Variants in NUDT5 observed in about 807,000 individuals in gnomAD.
NUDT5 encodes the protein nudix hydrolase 5.
Under a neutral mutation model 34.1 loss-of-function variants are expected in NUDT5, and 21 were observed. The ratio of observed to expected loss-of-function variants is 0.62; its 90% CI spans 0.44 to 0.89. The LOEUF is 0.89. NUDT5 is among the 40% of genes least tolerant of loss of function. The pLI is 0.00. For synonymous variants in NUDT5, 85 were observed against 97.6 expected (o/e 0.87, Z 0.76); for missense variants, 249 against 274.8 (o/e 0.91, Z 0.66).
chr10:12,184,352 C>T, intron 3 of NUDT5: 1 of 645,210 alleles, frequency 1.5e-6, no homozygotes, highest in Non-Finnish European at 2.5e-6. Flanking sequence ...TGAGCCAACA[C>T]ACCTGGCCCT....
At chr10:12,184,775 ATTAT>A in intron 3 of NUDT5, 110 bp downstream of exon 3, 1 of 700,928 alleles carries the variant, frequency 1.4e-6, no homozygotes, top group Non-Finnish European at 2.4e-6. Flanking sequence ...GCTAAATCAG[ATTAT>A]TTAAAACAGA....
chr10:12,177,497 T>C (rs536344594), intron 5 of NUDT5, among the ~76,000 whole-genome samples: 14 of 152,074 alleles, frequency 9.2e-5, no homozygotes, highest in Non-Finnish European at 1.5e-4. Context: ...CCAGCCTGGG[T>C]GATAGAGCGA....
At chr10:12,185,537 C>T (rs895815315) in intron 2 of NUDT5, among the ~76,000 whole-genome samples, 2 of 152,236 alleles carry the variant, frequency 1.3e-5, no homozygotes, top group South Asian at 2.1e-4. Flanking sequence ...TGGAGACTAA[C>T]TTACCTACGG....
intron 1 of NUDT5, among the ~76,000 whole-genome samples, chr10:12,195,526 G>A (rs1835322119): frequency 6.6e-6 from 1 of 152,134 alleles, no homozygotes; most frequent in African/African-American, 2.4e-5. Flanking sequence ...TCTTTACACT[G>A]GAACTAACAC....
chr10:12,180,348 C>A (rs1307574605), intron 3 of NUDT5: 2 of 152,310 alleles, frequency 1.3e-5, no homozygotes, highest in East Asian at 1.9e-4. Context: ...AGCTGACCAA[C>A]AAGCAATGCT....
At position 12,184,481 on chromosome 10, in the gene NUDT5, G is replaced by A. The variant is rs567791245; in HGVS notation, c.131+408C>T. The A allele has an allele frequency of 2.5e-5, 39 of 1,551,346 alleles. 1 individual carries two copies. In the African/African-American group the frequency reaches 4.2e-4, roughly 17 times the overall value. On this transcript the variant is annotated intron_variant, in intron 3 of 9. Transcript: ENST00000491614. ...TTTTTCCCAATTTGCATTTCCATGA[G>A]GCAGGCACGTACCTCAAAATTAGCA... is the stretch of plus-strand genomic sequence containing the variant.
chr10:12,170,184 C>A lies in NUDT5; in HGVS notation c.550+533G>T, dbSNP rs1272768208. On this transcript the variant is annotated intron_variant, in intron 9 of 9. Coordinates refer to ENST00000491614, the MANE Select transcript of NUDT5 (RefSeq NM_014142.4). This position sits in a 1 kb window ranked among gnomAD's most constrained non-coding sequence, Gnocchi z 4.9. Reference sequence around the variant, plus strand: ...AAAAGATGGGTGGCCAAGAATTATACAATGCATCTACATGACCAGTGATTT... The same window carrying A: ...AAAAGATGGGTGGCCAAGAATTATAAAATGCATCTACATGACCAGTGATTT... 1.2e-6 allele frequency: 2 copies of A among 1,612,528 alleles called. No homozygotes were observed. Among genetic ancestry groups the A allele is most frequent in the Non-Finnish European group, 1.7e-6 (2 of 1,179,576 alleles).
At position 12,184,943 on chromosome 10, in the gene NUDT5, C is replaced by T; in HGVS notation, c.77G>A (p.Gly26Glu). 1 of 1,570,634 alleles carries T rather than the reference C, an allele frequency of 6.4e-7. No individual in the cohort carries two copies. Residue 26 changes from glycine to glutamate, a missense_variant, in exon 3 of 10, where the codon GGA becomes GAA. Physicochemically the swap from Gly to Glu is moderately conservative, Grantham distance 98. Coordinates refer to ENST00000491614, the MANE Select transcript of NUDT5 (RefSeq NM_014142.4). ...YIISEELISEGKWVKLEKTTY... is the reference protein window; with the variant it reads ...YIISEELISEEKWVKLEKTTY... ...TGTTTTTTCAAGCTTGACCCATTTT[C>T]CTTCTGAAATTAACTAAAAGGATAT...
intron 1 of NUDT5, among the ~76,000 whole-genome samples, chr10:12,194,279 A>G (rs1044871094): frequency 5.9e-5 from 9 of 152,242 alleles, no homozygotes; most frequent in African/African-American, 1.9e-4. Context: ...TTCATTAGAA[A>G]ACATCTGACC....
Position 12,192,618 on chromosome 10 carries a change from C to A in NUDT5, c.-42+3152G>T, listed in dbSNP as rs184060794. Among the ~76,000 whole-genome samples, 7 of 152,082 alleles carry A rather than the reference C, an allele frequency of 4.6e-5. No homozygotes were observed. The East Asian group carries it at 1.4e-3, about 29-fold the overall frequency. ...CCTGTAATCCCAGCGCTTTCGGAGG[C>A]CAAGGCAGGTGGATCACTTGAGGTC... On this transcript the variant is annotated intron_variant, in intron 1 of 9. Transcript: ENST00000491614.
intron 5 of NUDT5, among the ~76,000 whole-genome samples, chr10:12,176,898 G>C (rs2131705230): frequency 6.6e-6 from 1 of 152,112 alleles, no homozygotes; most frequent in Admixed American, 6.5e-5. Flanking sequence ...AAAGTGGGTG[G>C]ATCACCTGAG....
Position 12,173,822 on chromosome 10 carries a change from C to T in NUDT5, c.290-9G>A, listed in dbSNP as rs368848644. ...ACCATCATCTATGAGACCTGCAAGT[C>T]CAAATCATTGGTGTGATGGGAGCGG... On this transcript the variant is annotated splice_polypyrimidine_tract_variant and intron_variant, in intron 5 of 9. Transcript: ENST00000491614. The surrounding 1 kb of genome is among the most constrained non-coding windows in gnomAD (Gnocchi z 4.7). The T allele has an allele frequency of 4.5e-5, 72 of 1,603,628 alleles. No homozygotes were observed. Among genetic ancestry groups the T allele is most frequent in the Admixed American group, 8.3e-5 (5 of 59,966 alleles).
Position 12,165,392 on chromosome 10 carries a change from G to T in NUDT5, c.*2310C>A, listed in dbSNP as rs1588649525. On this transcript the variant is annotated 3_prime_UTR_variant, in exon 10 of 10. Coordinates refer to ENST00000491614, the MANE Select transcript of NUDT5 (RefSeq NM_014142.4). The stretch of plus-strand genomic sequence containing the variant: ...ATTCAGTTGTGTTGGAAAAAATAAA[G>T]AAATCTGATATTAAACGTTTTCTAA... The T allele has an allele frequency of 4.2e-6, 4 of 948,372 alleles. No individual in the cohort carries two copies. The highest frequency in any genetic ancestry group is 5.0e-6 in the Non-Finnish European group (4 of 796,586). The allele number at this position is 948,372 out of a possible 1,614,324, so 58.7% of individuals were successfully genotyped here.
chr10:12,188,907 G>A (rs1426136073), intron 1 of NUDT5, among the ~76,000 whole-genome samples: 2 of 151,712 alleles, frequency 1.3e-5, no homozygotes, highest in Admixed American at 6.6e-5. Flanking sequence ...GGGGAAGATG[G>A]GAAGAGTAAT....
At chr10:12,185,546 G>A (rs150931548) in intron 2 of NUDT5, among the ~76,000 whole-genome samples, 19 of 152,288 alleles carry the variant, frequency 1.2e-4, no homozygotes, top group African/African-American at 4.6e-4. Flanking sequence ...ACTTACCTAC[G>A]GCACTATACT....
At chr10:12,172,668 A>T (rs760035830) in intron 7 of NUDT5, 97 bp downstream of exon 7, 15 of 766,682 alleles carry the variant, frequency 2.0e-5, no homozygotes, top group Non-Finnish European at 3.2e-5. Context: ...GATTCTTTCC[A>T]TGAAAGACTA....
intron 1 of NUDT5, among the ~76,000 whole-genome samples, chr10:12,192,859 A>C (rs951686278): frequency 1.3e-5 from 2 of 152,202 alleles, no homozygotes; most frequent in Non-Finnish European, 2.9e-5. Context: ...TCAAAAGAAA[A>C]AAAAAGGATA....
rs1564421687 is a variant in NUDT5, at chr10:12,170,270, G to A, written c.550+447C>T. On this transcript the variant is annotated intron_variant, in intron 9 of 9. Coordinates refer to ENST00000491614, the MANE Select transcript of NUDT5 (RefSeq NM_014142.4). The surrounding 1 kb of genome is among the most constrained non-coding windows in gnomAD (Gnocchi z 4.9). Reference sequence around the variant, plus strand: ...AAAAGCATATCACACGGAGTATACAGGAAATACCTCAAGTATTTGTTGAAG... The same window carrying A: ...AAAAGCATATCACACGGAGTATACAAGAAATACCTCAAGTATTTGTTGAAG... The A allele has an allele frequency of 1.5e-6, 2 of 1,350,534 alleles. No individual in the cohort carries two copies. The highest frequency in any genetic ancestry group is 2.1e-6 in the Non-Finnish European group (2 of 947,938). 83.7% of individuals were successfully genotyped at this position (1,350,534 alleles called of 1,614,324 possible). A position where few individuals can be genotyped will look rare whatever the true frequency, so the allele number is the denominator to read the frequency against.
chr10:12,173,733 C>A lies in NUDT5; in HGVS notation c.370G>T (p.Ala124Ser), dbSNP rs199665388. Residue 124 changes from alanine (A) to serine (S), a missense_variant, in exon 6 of 10, where the codon GCC becomes TCC. Transcript: ENST00000491614. The surrounding 1 kb of genome is among the most constrained non-coding windows in gnomAD (Gnocchi z 4.7). ...CAATACCAACCTGGAGAACATTCGG[C>A]AATGTCCCCTTTGTAGCCAGTTTCT... ...EEETGYKGDI[A>S]ECSPAVCMDP... 8.1e-6 allele frequency: 13 copies of A among 1,613,396 alleles called. No individual in the cohort carries two copies. The highest frequency in any genetic ancestry group is 1.1e-5 in the Non-Finnish European group (13 of 1,179,450).
Sources: gnomAD v4.1 joint callset for allele counts (sites outside exome capture counted in the v4.1 genomes callset) on GRCh38, gnomAD v4.1.1 for gene constraint, Gnocchi (gnomAD v3.1) non-coding constraint, MANE v1.5 for transcripts, NCBI Gene and HGNC (gene_info 2026-07-23, HGNC 2026-07-21) for gene names.